CSMD1: variants seen among roughly 807,000 people sequenced by gnomAD.
CSMD1 encodes CUB and sushi domain-containing protein 1.
CSMD1 carries 213 observed loss-of-function variants against 417.5 expected under a neutral mutation model. The observed-to-expected ratio is 0.51, with a 90% confidence interval of 0.46 to 0.57. The LOEUF (loss-of-function observed/expected upper bound fraction) is 0.57. Among genes scored for constraint, CSMD1 ranks in the 20% least tolerant of loss-of-function variants. The pLI is 0.00. For missense variants in CSMD1, 6,923 were observed against 4,529.7 expected (o/e 1.53, Z -15.17); for synonymous variants, 2,862 against 1,736.8 (o/e 1.65, Z -16.11).
At chr8:3,451,689 A>T (rs1585184520) in intron 12 of CSMD1, among the ~76,000 whole-genome samples, 3 of 152,218 alleles carry the variant, frequency 2.0e-5, no homozygotes, top group East Asian at 3.9e-4. Context: ...CTGTTTTGGA[A>T]CCAGTACCAT....
intron 3 of CSMD1, among the ~76,000 whole-genome samples, chr8:4,073,023 T>C (rs1293659146): frequency 1.3e-5 from 2 of 152,204 alleles, no homozygotes; most frequent in African/African-American, 4.8e-5. Context: ...ACCAACCCAA[T>C]TATCACCTAT....
chr8:4,285,100 T>C (rs546181795), intron 3 of CSMD1, among the ~76,000 whole-genome samples: 8 of 152,334 alleles, frequency 5.3e-5, no homozygotes, highest in Non-Finnish European at 1.0e-4. Flanking sequence ...TTTGCTATTA[T>C]TATGAATGCT....
chr8:4,180,917 C>G (rs957828674), intron 3 of CSMD1, among the ~76,000 whole-genome samples: 2 of 152,124 alleles, frequency 1.3e-5, no homozygotes, highest in Non-Finnish European at 2.9e-5. Flanking sequence ...TCTAAATTTT[C>G]AAGGTGCCAA....
intron 3 of CSMD1, among the ~76,000 whole-genome samples, chr8:4,224,625 A>C (rs376869431): frequency 6.6e-6 from 1 of 152,162 alleles, no homozygotes; most frequent in Non-Finnish European, 1.5e-5. Context: ...TTCAGACTGA[A>C]TTTTCATCCA....
intron 5 of CSMD1, among the ~76,000 whole-genome samples, chr8:3,931,244 A>G (rs1810116523): frequency 1.3e-5 from 2 of 150,642 alleles, no homozygotes; most frequent in Non-Finnish European, 3.0e-5. Context: ...ACATTTTGTT[A>G]GTTTCTCAGA....
chr8:4,290,832 C>T (rs1797320919), intron 3 of CSMD1, among the ~76,000 whole-genome samples: 1 of 152,096 alleles, frequency 6.6e-6, no homozygotes, highest in Non-Finnish European at 1.5e-5. Context: ...TAAAATAATT[C>T]AAAGCAAAAT....
chr8:3,000,149 AT>A lies in CSMD1; in HGVS notation c.8030-19del. ...GTGGCCAGCTAAAAATGTTAAACCA[AT>A]TTTAAAATTTAGAGTGTCTGTCATT... is the stretch of plus-strand genomic sequence containing the variant. On this transcript the variant is annotated intron_variant, in intron 52 of 69. Coordinates refer to ENST00000635120, the MANE Select transcript of CSMD1 (RefSeq NM_033225.6). 6.6e-7 allele frequency: 1 copy of A among 1,507,836 alleles called. No individual in the cohort carries two copies. The highest frequency in any genetic ancestry group is 8.9e-7 in the Non-Finnish European group (1 of 1,117,870). 93.4% of individuals were successfully genotyped at this position (1,507,836 alleles called of 1,614,324 possible).
At chr8:4,514,702 G>A (rs1241776547) in intron 2 of CSMD1, among the ~76,000 whole-genome samples, 1 of 152,126 alleles carries the variant, frequency 6.6e-6, no homozygotes, top group Non-Finnish European at 1.5e-5. Flanking sequence ...ACCTAATATA[G>A]ATACAAATTA....
At chr8:3,185,328 T>C (rs890456966) in intron 36 of CSMD1, among the ~76,000 whole-genome samples, 1 of 152,374 alleles carries the variant, frequency 6.6e-6, no homozygotes, top group Non-Finnish European at 1.5e-5. Context: ...ATTGTTGTTA[T>C]TTTTCATGCA....
intron 1 of CSMD1, among the ~76,000 whole-genome samples, chr8:4,941,837 C>A (rs1056893526): frequency 2.0e-5 from 3 of 152,080 alleles, no homozygotes; most frequent in Non-Finnish European, 2.9e-5. Context: ...GAGCTCAAAG[C>A]AATCCTCCCA....
At chr8:4,856,788 G>A (rs1801826887) in intron 1 of CSMD1, among the ~76,000 whole-genome samples, 1 of 150,212 alleles carries the variant, frequency 6.7e-6, no homozygotes, top group Non-Finnish European at 1.5e-5. Context: ...GACCTACAAA[G>A]AGACTTAGAC....
At chr8:3,458,934 G>A (rs1321551547) in intron 12 of CSMD1, among the ~76,000 whole-genome samples, 2 of 152,176 alleles carry the variant, frequency 1.3e-5, no homozygotes, top group East Asian at 1.9e-4. Context: ...ACATTGGAAG[G>A]AATTTCCATC....
chr8:3,824,677 T>C (rs906188319), intron 5 of CSMD1, among the ~76,000 whole-genome samples: 2 of 152,240 alleles, frequency 1.3e-5, no homozygotes, highest in Non-Finnish European at 2.9e-5. Flanking sequence ...GTTAATGATG[T>C]ATATTAATAT....
intron 7 of CSMD1, among the ~76,000 whole-genome samples, chr8:3,629,638 A>C (rs561502535): frequency 1.3e-5 from 2 of 152,318 alleles, no homozygotes; most frequent in African/African-American, 4.8e-5. Context: ...ACTCAGGATT[A>C]TTTTATCAAG....
intron 3 of CSMD1, among the ~76,000 whole-genome samples, chr8:4,210,539 CT>C (rs1468113567): frequency 6.6e-6 from 1 of 152,060 alleles, no homozygotes; most frequent in African/African-American, 2.4e-5. Context: ...TCATCTTTGA[CT>C]TTTAAGAAAG....
intron 5 of CSMD1, among the ~76,000 whole-genome samples, chr8:3,793,832 A>G (rs1331026905): frequency 2.0e-5 from 3 of 152,180 alleles, no homozygotes; most frequent in Non-Finnish European, 2.9e-5. Context: ...CAGGATCTGC[A>G]TACAAGAATC....
chr8:4,426,835 T>C (rs1426882800), intron 2 of CSMD1, among the ~76,000 whole-genome samples: 2 of 150,994 alleles, frequency 1.3e-5, no homozygotes, highest in Non-Finnish European at 2.9e-5. Flanking sequence ...CATAGTATAC[T>C]ATATTATGTA....
At chr8:4,112,875 G>C (rs893797103) in intron 3 of CSMD1, among the ~76,000 whole-genome samples, 2 of 152,124 alleles carry the variant, frequency 1.3e-5, no homozygotes, top group African/African-American at 4.8e-5. Flanking sequence ...TTGAAGGCTT[G>C]TACCAACGTG....
intron 3 of CSMD1, among the ~76,000 whole-genome samples, chr8:4,257,748 T>C (rs570823072): frequency 2.0e-5 from 3 of 152,326 alleles, no homozygotes; most frequent in South Asian, 2.1e-4. Context: ...CTTTCCCGTT[T>C]GTTAGGCCAA....
Sources: allele counts gnomAD v4.1 joint callset (sites outside exome capture counted in the v4.1 genomes callset), GRCh38; gene constraint gnomAD v4.1.1; transcripts MANE v1.5; gene names NCBI Gene and HGNC (gene_info 2026-07-23, HGNC 2026-07-21).